FNTA: variants seen among roughly 807,000 people sequenced by gnomAD.
FNTA encodes the protein protein farnesyltransferase/geranylgeranyltransferase type-1 subunit alpha.
FNTA carries 27 observed loss-of-function variants against 55.2 expected under a neutral mutation model. The observed-to-expected ratio is 0.49, with a 90% confidence interval of 0.36 to 0.67. FNTA has a LOEUF of 0.67. FNTA is among the 30% of genes least tolerant of loss of function. The pLI is 0.00. For missense variants in FNTA, 422 were observed against 464.7 expected (o/e 0.91, Z 0.85); for synonymous variants, 176 against 170.7 (o/e 1.03, Z -0.24).
At chr8:43,083,047 G>GAAAAA in intron 6 of FNTA, 71 bp from the exon 7 acceptor site, 5 of 799,922 alleles carry the variant, frequency 6.3e-6, no homozygotes, top group East Asian at 3.4e-5. Context: ...CTCCGTTTCA[G>GAAAAA]AAAAAAAAAA....
chr8:43,069,804 C>T, intron 4 of FNTA, 145 bp downstream of exon 4: 1 of 596,348 alleles, frequency 1.7e-6, no homozygotes. Flanking sequence ...GCAACCACAC[C>T]TGGCTAATTT....
Position 43,077,373 on chromosome 8 carries a change from T to G in FNTA, c.782+9T>G, listed in dbSNP as rs1563329856. The stretch of plus-strand genomic sequence containing the variant: ...TTGGAGAGAGAAGTCCAGTTAGTAA[T>G]CTCCTTCACTTGCTCATTCGTTACA... On this transcript the variant is annotated intron_variant, in intron 6 of 8. Transcript: ENST00000302279. The G allele has an allele frequency of 3.1e-6, 5 of 1,598,260 alleles. No individual in the cohort carries two copies. The African/African-American group carries it at 5.4e-5, about 17-fold the overall frequency.
chr8:43,071,921 C>G (rs1030104340), intron 4 of FNTA, among the ~76,000 whole-genome samples: 13 of 152,148 alleles, frequency 8.5e-5, no homozygotes, highest in Non-Finnish European at 1.8e-4. Flanking sequence ...TCTCATTATA[C>G]AATCTAGTAA....
chr8:43,059,119 TC>T lies in FNTA; in HGVS notation c.230del (p.Pro77ArgfsTer43), dbSNP rs1283189553. 6.2e-7 allele frequency: 1 copy of T among 1,613,596 alleles called. No individual in the cohort carries two copies. Among genetic ancestry groups the T allele is most frequent in the African/African-American group, 1.3e-5 (1 of 74,918 alleles). On this transcript the variant is annotated frameshift_variant, in exon 2 of 9. Coordinates refer to ENST00000302279, the MANE Select transcript of FNTA (RefSeq NM_002027.3). LOFTEE classifies it high-confidence loss of function. ...RDRAEWADID[P>X]VPQNDGPNPV... ...ACAGAGCAGAATGGGCTGATATAGA[TC>T]CGGTGCCGCAGAATGATGGCCCCAA...
At chr8:43,084,666 T>C in intron 7 of FNTA, 44 bp from the exon 8 acceptor site, 1 of 1,499,588 alleles carries the variant, frequency 6.7e-7, no homozygotes. Flanking sequence ...GCTTTTGTTC[T>C]TCCTTCACAA....
chr8:43,080,267 CTTATT>C (rs1409990562), intron 6 of FNTA: 3 of 152,154 alleles, frequency 2.0e-5, no homozygotes, highest in Admixed American at 6.6e-5. Flanking sequence ...TTATTGTTGT[CTTATT>C]TTAAGAAATT....
chr8:43,059,146 T>A lies in FNTA; in HGVS notation c.255T>A (p.Asn85Lys). 1.2e-6 allele frequency: 2 copies of A among 1,612,472 alleles called. No individual in the cohort carries two copies. The highest frequency in any genetic ancestry group is 1.7e-6 in the Non-Finnish European group (2 of 1,179,358). The change falls in exon 2 of 9, where the codon AAT becomes AAA. Residue 85 changes from asparagine to lysine, a missense_variant. Asn to Lys is a moderately conservative substitution (Grantham distance 94). Transcript: ENST00000302279. ...IDPVPQNDGP[N>K]PVVQIIYSDK... ...CGGTGCCGCAGAATGATGGCCCCAA[T>A]CCCGTGGTCCAGATCATTTATAGTG...
intron 2 of FNTA, among the ~76,000 whole-genome samples, chr8:43,063,482 A>G (rs1014629145): frequency 6.6e-6 from 1 of 152,110 alleles, no homozygotes; most frequent in African/African-American, 2.4e-5. Flanking sequence ...TTGTTGTAGA[A>G]GTATTTGTAC....
Position 43,058,956 on chromosome 8 carries a change from C to A in FNTA, c.201-136C>A, listed in dbSNP as rs533296984. 31 of 583,990 alleles carry A rather than the reference C, an allele frequency of 5.3e-5. No homozygotes were observed. In the South Asian group the frequency reaches 9.4e-4, roughly 18 times the overall value. The allele number at this position is 583,990 out of a possible 1,614,324, so 36.2% of individuals were successfully genotyped here. On this transcript the variant is annotated intron_variant, in intron 1 of 8. Transcript: ENST00000302279. ...TTGGCAAAACTTGGTCATGAAGAAT[C>A]CAACCATGATTACATTATGAGCCCT...
intron 6 of FNTA, chr8:43,082,495 G>A (rs1406377723): frequency 2.6e-5 from 4 of 152,170 alleles, no homozygotes; most frequent in Non-Finnish European, 5.9e-5. Flanking sequence ...TAAATGGAAA[G>A]TTTCCTTCTT....
chr8:43,072,100 T>A, intron 4 of FNTA, 81 bp from the exon 5 acceptor site: 4 of 1,108,516 alleles, frequency 3.6e-6, no homozygotes, highest in Non-Finnish European at 4.9e-6. Flanking sequence ...TCCTTTCATG[T>A]CACCTTTACA....
chr8:43,084,923 G>C (rs751654666), intron 8 of FNTA, 42 bp downstream of exon 8: 1 of 1,556,994 alleles, frequency 6.4e-7, no homozygotes, highest in South Asian at 1.1e-5. Context: ...TGGTATCTCA[G>C]AATTGATCTG....
At chr8:43,067,454 G>A (rs1337854850) in intron 3 of FNTA, among the ~76,000 whole-genome samples, 1 of 152,090 alleles carries the variant, frequency 6.6e-6, no homozygotes, top group African/African-American at 2.4e-5. Context: ...TTTTATTAGG[G>A]AGTGAGAATA....
At chr8:43,082,620 C>T (rs1265589959) in intron 6 of FNTA, 1 of 152,136 alleles carries the variant, frequency 6.6e-6, no homozygotes, top group Non-Finnish European at 1.5e-5. Context: ...GTGTCCTTCC[C>T]TAGAACTGAA....
chr8:43,075,900 G>A (rs558987453), intron 5 of FNTA, among the ~76,000 whole-genome samples: 1 of 151,110 alleles, frequency 6.6e-6, no homozygotes, highest in African/African-American at 2.4e-5. Flanking sequence ...TTGGGACAGG[G>A]TCTGTTTCTG....
chr8:43,083,788 G>A (rs933061225), intron 7 of FNTA, among the ~76,000 whole-genome samples: 2 of 152,176 alleles, frequency 1.3e-5, no homozygotes, highest in South Asian at 2.1e-4. Flanking sequence ...AAGAGAAGAC[G>A]AGGGCTGGGC....
chr8:43,083,072 C>T (rs768486164), intron 6 of FNTA, 46 bp from the exon 7 acceptor site: 10 of 1,151,860 alleles, frequency 8.7e-6, no homozygotes, highest in East Asian at 2.4e-5. Flanking sequence ...TGTGTCTCAT[C>T]ATTGCACTGT....
chr8:43,071,441 T>C (rs1810788354), intron 4 of FNTA, among the ~76,000 whole-genome samples: 1 of 151,740 alleles, frequency 6.6e-6, no homozygotes, highest in Admixed American at 6.6e-5. Context: ...GAGGCTGAGG[T>C]GGGCGGATCA....
chr8:43,075,531 A>C (rs1410428434), intron 5 of FNTA, among the ~76,000 whole-genome samples: 1 of 151,968 alleles, frequency 6.6e-6, no homozygotes, highest in East Asian at 1.9e-4. Flanking sequence ...AAAAATTTAT[A>C]TTGCCTGGGT....
Sources: allele counts gnomAD v4.1 joint callset (sites outside exome capture counted in the v4.1 genomes callset), GRCh38; gene constraint gnomAD v4.1.1; transcripts MANE v1.5; gene names NCBI Gene and HGNC (gene_info 2026-07-23, HGNC 2026-07-21).